The following CNTNAP5 variants were observed in gnomAD, a reference collection of about 807,000 sequenced individuals.
CNTNAP5 encodes contactin associated protein family member 5.
CNTNAP5 carries 72 observed loss-of-function variants against 150.2 expected under a neutral mutation model. That is an observed-to-expected ratio of 0.48 (90% confidence interval 0.40 to 0.58). The LOEUF (loss-of-function observed/expected upper bound fraction) is 0.58. Ranked by LOEUF, CNTNAP5 falls within the 20% of genes least tolerant of loss-of-function variation. CNTNAP5 has a pLI of 0.00. For missense variants in CNTNAP5, 1,636 were observed against 1,626.2 expected (o/e 1.01, Z -0.10); for synonymous variants, 672 against 619.8 (o/e 1.08, Z -1.25).
intron 3 of CNTNAP5, among the ~76,000 whole-genome samples, chr2:124,413,502 C>T (rs1445864085): frequency 1.5e-5 from 2 of 133,948 alleles, no homozygotes; most frequent in Non-Finnish European, 3.2e-5. Context: ...CAATGATAGA[C>T]TGGATTAAGA....
intron 6 of CNTNAP5, among the ~76,000 whole-genome samples, chr2:124,456,894 C>T (rs1000663836): frequency 5.9e-5 from 9 of 152,182 alleles, no homozygotes; most frequent in Non-Finnish European, 1.3e-4. Context: ...CCTCATCTCA[C>T]ACCACATAGA....
At chr2:124,033,313 T>C (rs1394462546) in intron 1 of CNTNAP5, among the ~76,000 whole-genome samples, 1 of 152,156 alleles carries the variant, frequency 6.6e-6, no homozygotes, top group East Asian at 1.9e-4. Flanking sequence ...GAAGCAGAAA[T>C]ATCCTTCTAA....
At chr2:124,654,089 G>A (rs928028098) in intron 13 of CNTNAP5, among the ~76,000 whole-genome samples, 1 of 152,176 alleles carries the variant, frequency 6.6e-6, no homozygotes, top group South Asian at 2.1e-4. Flanking sequence ...GAAGGGACAG[G>A]ATGAGGCAGG....
chr2:124,541,345 A>G (rs1204362883), intron 10 of CNTNAP5, among the ~76,000 whole-genome samples: 1 of 151,546 alleles, frequency 6.6e-6, no homozygotes, highest in South Asian at 2.1e-4. Context: ...CCTGGCTGCC[A>G]TGGTTAAAGG....
intron 1 of CNTNAP5, among the ~76,000 whole-genome samples, chr2:124,126,465 A>G (rs1683703923): frequency 6.6e-6 from 1 of 152,134 alleles, no homozygotes; most frequent in Non-Finnish European, 1.5e-5. Context: ...GTCACAGCCA[A>G]ATTCTACCAG....
At chr2:124,803,435 A>G (rs1682014026) in intron 19 of CNTNAP5, among the ~76,000 whole-genome samples, 1 of 152,158 alleles carries the variant, frequency 6.6e-6, no homozygotes, top group African/African-American at 2.4e-5. Context: ...CTATTCTTCC[A>G]TCATCTTCTT....
intron 19 of CNTNAP5, among the ~76,000 whole-genome samples, chr2:124,837,025 T>C (rs1682843696): frequency 6.6e-6 from 1 of 151,964 alleles, no homozygotes; most frequent in Non-Finnish European, 1.5e-5. Context: ...CCTCTCATCT[T>C]CCCCTGTGAG....
intron 3 of CNTNAP5, among the ~76,000 whole-genome samples, chr2:124,406,836 C>A (rs1691583653): frequency 6.6e-6 from 1 of 152,154 alleles, no homozygotes; most frequent in Admixed American, 6.5e-5. Context: ...ATTAACCAAT[C>A]TTTTTTCATC....
chr2:124,624,610 C>G (rs1216030757), intron 12 of CNTNAP5, among the ~76,000 whole-genome samples: 1 of 152,150 alleles, frequency 6.6e-6, no homozygotes, highest in Non-Finnish European at 1.5e-5. Flanking sequence ...ATTGACTGAA[C>G]TTGACATCAA....
intron 1 of CNTNAP5, among the ~76,000 whole-genome samples, chr2:124,090,571 T>C (rs1682790553): frequency 6.6e-6 from 1 of 152,200 alleles, no homozygotes; most frequent in Non-Finnish European, 1.5e-5. Flanking sequence ...ACTTACCTTG[T>C]GTTTGAACAC....
chr2:124,513,360 A>G (rs557712967), intron 8 of CNTNAP5, among the ~76,000 whole-genome samples: 13 of 152,324 alleles, frequency 8.5e-5, no homozygotes, highest in African/African-American at 2.9e-4. Context: ...TCCAAATACA[A>G]TTGTGTTTTT....
intron 1 of CNTNAP5, among the ~76,000 whole-genome samples, chr2:124,196,628 G>C (rs1282952210): frequency 1.3e-5 from 2 of 152,260 alleles, no homozygotes; most frequent in Middle Eastern, 3.4e-3. Flanking sequence ...GAACCCCAAG[G>C]CATCTAGAAA....
At chr2:124,364,992 C>T (rs528685935) in intron 3 of CNTNAP5, among the ~76,000 whole-genome samples, 54 of 152,166 alleles carry the variant, frequency 3.5e-4, no homozygotes, top group African/African-American at 1.3e-3. Flanking sequence ...AAGTTAATCA[C>T]TAAAAAACTA....
At chr2:124,330,781 A>AT (rs59001683) in intron 3 of CNTNAP5, among the ~76,000 whole-genome samples, 1 of 152,050 alleles carries the variant, frequency 6.6e-6, no homozygotes, top group Non-Finnish European at 1.5e-5. Context: ...GCAAAAAAAA[A>AT]TGCTTCAATT....
rs563440673 is a variant in CNTNAP5 at position 124,916,140 on chromosome 2, A to T, written c.*1852A>T. Among the ~76,000 whole-genome samples the T allele has an allele frequency of 5.9e-5, 9 of 152,134 alleles. No homozygotes were observed. The highest frequency in any genetic ancestry group is 2.2e-4 in the African/African-American group (9 of 41,526). On this transcript the variant is annotated 3_prime_UTR_variant, in exon 24 of 24. Coordinates refer to ENST00000682447, the MANE Select transcript of CNTNAP5 (RefSeq NM_001367498.1). Reference sequence around the variant, plus strand: ...GTTTGCAATCATATTTCTCTATTTTAAGATGTTGTTTCAAATGCATATTCT... The same window carrying T: ...GTTTGCAATCATATTTCTCTATTTTTAGATGTTGTTTCAAATGCATATTCT...
At chr2:124,344,636 G>A (rs1347637091) in intron 3 of CNTNAP5, among the ~76,000 whole-genome samples, 1 of 152,052 alleles carries the variant, frequency 6.6e-6, no homozygotes, top group Non-Finnish European at 1.5e-5. Flanking sequence ...TGCACTTGTA[G>A]TTCCAGCTCC....
intron 1 of CNTNAP5, among the ~76,000 whole-genome samples, chr2:124,175,102 C>G (rs1349801340): frequency 6.6e-6 from 1 of 152,006 alleles, no homozygotes; most frequent in African/African-American, 2.4e-5. Flanking sequence ...CACTAGGAAA[C>G]CAAAAAATGT....
At chr2:124,762,456 G>C (rs1032681952) in intron 14 of CNTNAP5, among the ~76,000 whole-genome samples, 1 of 151,914 alleles carries the variant, frequency 6.6e-6, no homozygotes, top group South Asian at 2.1e-4. Flanking sequence ...GACTTGCCTG[G>C]GGCCACAGAG....
intron 11 of CNTNAP5, among the ~76,000 whole-genome samples, chr2:124,567,149 G>A (rs1485439473): frequency 6.6e-6 from 1 of 152,128 alleles, no homozygotes; most frequent in East Asian, 1.9e-4. Flanking sequence ...GACAGACTTA[G>A]GACAGATAGG....
Sources: allele counts gnomAD v4.1 joint callset (sites outside exome capture counted in the v4.1 genomes callset), GRCh38; gene constraint gnomAD v4.1.1; transcripts MANE v1.5; gene names NCBI Gene and HGNC (gene_info 2026-07-23, HGNC 2026-07-21).